The following CCDC122 variants were observed in gnomAD, a reference collection of about 807,000 sequenced individuals.
CCDC122 encodes coiled-coil domain-containing protein 122.
CCDC122 carries 38 observed loss-of-function variants against 37.0 expected under a neutral mutation model. The ratio of observed to expected loss-of-function variants is 1.03; its 90% CI spans 0.79 to 1.35. CCDC122 has a LOEUF of 1.35. CCDC122 is among the 40% of genes most tolerant of loss of function. The pLI, the probability that CCDC122 is intolerant of heterozygous loss-of-function variation, is 0.00. For missense variants in CCDC122, 305 were observed against 310.0 expected, an observed-to-expected ratio of 0.98 and a Z score of 0.12; for synonymous variants, 83 against 95.6, an observed-to-expected ratio of 0.87 and a Z score of 0.77.
chr13:43,856,180 G>T (rs529838454), intron 6 of CCDC122: 5 of 152,184 alleles, frequency 3.3e-5, no homozygotes, highest in Admixed American at 6.5e-5. Flanking sequence ...CACATAGAGG[G>T]AAACAACACA....
intron 6 of CCDC122, among the ~76,000 whole-genome samples, chr13:43,845,051 C>A (rs1418899132): frequency 3.3e-5 from 5 of 152,110 alleles, no homozygotes; most frequent in African/African-American, 9.6e-5. Context: ...CTTTCTTCTT[C>A]ATTTTCTGTC....
intron 2 of CCDC122, among the ~76,000 whole-genome samples, chr13:43,872,745 T>TC (rs765429302): frequency 2.0e-5 from 3 of 152,116 alleles, no homozygotes; most frequent in Non-Finnish European, 4.4e-5. Context: ...CAACAGAATT[T>TC]CCCCATTTAC....
At chr13:43,861,371 T>C (rs1032727850) in intron 4 of CCDC122, among the ~76,000 whole-genome samples, 8 of 152,336 alleles carry the variant, frequency 5.3e-5, no homozygotes, top group Non-Finnish European at 1.2e-4. Context: ...TTGTAATGTA[T>C]GGCAAAGGGT....
Position 43,836,981 on chromosome 13 carries a change from A to T in CCDC122, c.*299T>A, listed in dbSNP as rs1267642146. ...TTTACTTCATAGGGTAGTGAATGCA[A>T]CATAAACAGGTATTCATGAGTATAA... On this transcript the variant is annotated 3_prime_UTR_variant, in exon 7 of 7. Transcript: ENST00000444614. 4.3e-6 allele frequency: 1 copy of T among 232,618 alleles called. No homozygotes were observed. Among genetic ancestry groups the T allele is most frequent in the Non-Finnish European group, 8.2e-6 (1 of 121,492 alleles). 14.4% of individuals were successfully genotyped at this position (232,618 alleles called of 1,614,324 possible).
chr13:43,840,381 T>C (rs1953305267), intron 6 of CCDC122, among the ~76,000 whole-genome samples: 1 of 152,130 alleles, frequency 6.6e-6, no homozygotes, highest in African/African-American at 2.4e-5. Context: ...TTATTTTTAT[T>C]TTTATTTTTT....
At chr13:43,844,206 C>T (rs183449834) in intron 6 of CCDC122, among the ~76,000 whole-genome samples, 61 of 152,090 alleles carry the variant, frequency 4.0e-4, no homozygotes, top group Non-Finnish European at 7.7e-4. Context: ...TTTAGCTTCA[C>T]CCCATAATTT....
intron 4 of CCDC122, 134 bp from the exon 5 acceptor site, chr13:43,860,204 GA>G: frequency 2.3e-6 from 1 of 436,980 alleles, no homozygotes; most frequent in Non-Finnish European, 3.8e-6. Context: ...AAAAATTAAT[GA>G]ATACAAGGAA....
chr13:43,863,889 T>G (rs555782869), intron 4 of CCDC122, among the ~76,000 whole-genome samples: 1 of 152,328 alleles, frequency 6.6e-6, no homozygotes, highest in East Asian at 1.9e-4. Flanking sequence ...TTCATCAAAA[T>G]TTTTATGTCA....
downstream of CCDC122, among the ~76,000 whole-genome samples, chr13:43,831,474 C>A (rs562044830): frequency 3.9e-5 from 6 of 152,280 alleles, no homozygotes; most frequent in Admixed American, 3.9e-4. Context: ...CTCTCCAATA[C>A]AAGCATTGGG....
chr13:43,843,359 T>A (rs933794609), intron 6 of CCDC122, among the ~76,000 whole-genome samples: 1 of 152,052 alleles, frequency 6.6e-6, no homozygotes, highest in Non-Finnish European at 1.5e-5. Flanking sequence ...GTAAATTACA[T>A]CATTTGATGT....
intron 3 of CCDC122, among the ~76,000 whole-genome samples, chr13:43,831,054 C>A (rs957389288): frequency 3.3e-5 from 5 of 152,102 alleles, no homozygotes; most frequent in African/African-American, 1.2e-4. Context: ...GGATCTTTTT[C>A]TGAATTGAAT....
intron 3 of CCDC122, among the ~76,000 whole-genome samples, chr13:43,830,307 G>A (rs1953077768): frequency 6.6e-6 from 1 of 152,206 alleles, no homozygotes; most frequent in Non-Finnish European, 1.5e-5. Flanking sequence ...GGAGGAACAG[G>A]GAGTGGAATA....
rs1255243180 is a variant in CCDC122 at position 43,838,517 on chromosome 13, A to G, written c.673-1088T>C. Among the ~76,000 whole-genome samples, 4 of 152,148 alleles carry G rather than the reference A, an allele frequency of 2.6e-5. No individual in the cohort carries two copies. The South Asian group carries it at 8.3e-4, about 32-fold the overall frequency. On this transcript the variant is annotated intron_variant, in intron 6 of 6. Transcript: ENST00000444614. ...AGCTTTACAGAAATATAATTCACAT[A>G]CCATATAATCCATCCTTTAAAGTGT...
intron 6 of CCDC122, among the ~76,000 whole-genome samples, chr13:43,842,913 A>G (rs1176123022): frequency 6.6e-6 from 1 of 151,980 alleles, no homozygotes; most frequent in Non-Finnish European, 1.5e-5. Flanking sequence ...TGGTTCTGTT[A>G]GTCTTTTCTA....
chr13:43,845,516 G>A (rs1953490140), intron 6 of CCDC122, among the ~76,000 whole-genome samples: 1 of 152,178 alleles, frequency 6.6e-6, no homozygotes. Flanking sequence ...TACAAGACCA[G>A]CCTGGCCAGC....
downstream of CCDC122, among the ~76,000 whole-genome samples, chr13:43,822,308 T>G (rs1266999960): frequency 6.6e-6 from 1 of 152,260 alleles, no homozygotes; most frequent in Non-Finnish European, 1.5e-5. Context: ...AAATGGAGTC[T>G]GTCTCTGTCT....
chr13:43,878,955 GA>G (rs2138211070), intron 1 of CCDC122, among the ~76,000 whole-genome samples: 1 of 152,230 alleles, frequency 6.6e-6, no homozygotes, highest in South Asian at 2.1e-4. Flanking sequence ...AAAACATCTC[GA>G]GGGGGCCCCT....
intron 6 of CCDC122, among the ~76,000 whole-genome samples, chr13:43,851,785 G>T (rs1023078242): frequency 1.3e-5 from 2 of 152,122 alleles, no homozygotes; most frequent in African/African-American, 4.8e-5. Flanking sequence ...ACCTTGAGGG[G>T]CCAGAGAACA....
intron 4 of CCDC122, among the ~76,000 whole-genome samples, chr13:43,860,536 G>T (rs1007575907): frequency 1.3e-5 from 2 of 151,082 alleles, no homozygotes; most frequent in African/African-American, 4.9e-5. Flanking sequence ...TTCTCCATTT[G>T]TAAAATGAGT....
Sources: allele counts gnomAD v4.1 joint callset (sites outside exome capture counted in the v4.1 genomes callset), GRCh38; gene constraint gnomAD v4.1.1; transcripts MANE v1.5; gene names NCBI Gene and HGNC (gene_info 2026-07-23, HGNC 2026-07-21).